The following SSMEM1 variants were observed in gnomAD, a reference collection of about 807,000 sequenced individuals.
The protein encoded by SSMEM1 is serine rich single-pass membrane protein 1.
A neutral mutation model predicts 9.9 loss-of-function variants in SSMEM1; 12 were observed. That is an observed-to-expected ratio of 1.21 (90% CI 0.78 to 1.96). The LOEUF (loss-of-function observed/expected upper bound fraction) is 1.96. Ranked by LOEUF, SSMEM1 falls within the 30% of genes most tolerant of loss-of-function variation. The probability of loss-of-function intolerance (pLI) is 0.00; values close to 1 mark genes in which losing one functional copy is unlikely to be tolerated. For missense variants in SSMEM1, 259 were observed against 292.2 expected (o/e 0.89, Z 0.83); for synonymous variants, 96 against 98.9 (o/e 0.97, Z 0.17).
chr7:130,208,298 ATAACCACTGT>A (rs1286112260), intron 1 of SSMEM1, among the ~76,000 whole-genome samples: 2 of 152,224 alleles, frequency 1.3e-5, no homozygotes, highest in African/African-American at 4.8e-5. Flanking sequence ...TTTCCCAGAG[ATAACCACTGT>A]TAACATTTTG....
intron 2 of SSMEM1, among the ~76,000 whole-genome samples, 183 bp downstream of exon 2, chr7:130,213,717 A>G (rs1262827456): frequency 6.6e-6 from 1 of 150,494 alleles, no homozygotes; most frequent in Non-Finnish European, 1.5e-5. Flanking sequence ...AAAAAAAAGA[A>G]AAGAAAAGAA....
chr7:130,206,888 A>C (rs2117051098), upstream of SSMEM1: 1 of 203,610 alleles, frequency 4.9e-6, no homozygotes, highest in African/African-American at 2.4e-5. Context: ...CTGGAGGCTG[A>C]GGCAGGAGAA....
chr7:130,206,108 T>C (rs1237629975), upstream of SSMEM1, among the ~76,000 whole-genome samples: 1 of 152,250 alleles, frequency 6.6e-6, no homozygotes, highest in East Asian at 1.9e-4. Flanking sequence ...TTTTCGTATG[T>C]ATTTTTTGGA....
At position 130,215,559 on chromosome 7, in the gene SSMEM1, A is replaced by T. The variant is rs182605519; in HGVS notation, c.239-415A>T. On this transcript the variant is annotated intron_variant, in intron 2 of 2. Coordinates refer to ENST00000297819, the MANE Select transcript of SSMEM1 (RefSeq NM_145268.4). ...TTATCAGCTCTTCTGAGCAGGTACA[A>T]GCCAACTTCCTCACACCACTACGTA... Among the ~76,000 whole-genome samples, 148 of 152,350 alleles carry T rather than the reference A, an allele frequency of 9.7e-4. 2 individuals are homozygous for T. Among genetic ancestry groups the T allele is most frequent in the Middle Eastern group, 6.8e-3 (2 of 294 alleles).
At chr7:130,214,767 G>A (rs1798671046) in intron 2 of SSMEM1, among the ~76,000 whole-genome samples, 3 of 152,062 alleles carry the variant, frequency 2.0e-5, no homozygotes, top group Admixed American at 2.0e-4. Context: ...CATTTTGCAG[G>A]GTTAGTCACA....
At chr7:130,213,906 T>C (rs937534981) in intron 2 of SSMEM1, among the ~76,000 whole-genome samples, 1 of 152,154 alleles carries the variant, frequency 6.6e-6, no homozygotes, top group Non-Finnish European at 1.5e-5. Context: ...GTTTAGCTGC[T>C]TAGCAAGAAG....
At chr7:130,214,438 AAAAT>A (rs1306927878) in intron 2 of SSMEM1, among the ~76,000 whole-genome samples, 2 of 152,068 alleles carry the variant, frequency 1.3e-5, no homozygotes, top group Non-Finnish European at 2.9e-5. Flanking sequence ...TAAATAAATA[AAAAT>A]AAATAAATAT....
chr7:130,215,952 G>C, intron 2 of SSMEM1, 22 bp from the exon 3 acceptor site: 1 of 1,609,892 alleles, frequency 6.2e-7, no homozygotes, highest in Non-Finnish European at 8.5e-7. Flanking sequence ...TTACTAACTT[G>C]ATATGTTTCA....
intron 2 of SSMEM1, among the ~76,000 whole-genome samples, chr7:130,214,427 AT>A (rs1266458591): frequency 6.6e-6 from 1 of 152,088 alleles, no homozygotes; most frequent in Non-Finnish European, 1.5e-5. Context: ...AATTTAATAA[AT>A]AAATAAATAA....
chr7:130,213,429 T>C, intron 1 of SSMEM1, 51 bp from the exon 2 acceptor site: 1 of 1,504,340 alleles, frequency 6.6e-7, no homozygotes, highest in Non-Finnish European at 9.2e-7. Context: ...CAAGTACATA[T>C]TATCAAAAAA....
chr7:130,215,048 A>C (rs1798677091), intron 2 of SSMEM1, among the ~76,000 whole-genome samples: 1 of 152,222 alleles, frequency 6.6e-6, no homozygotes, highest in Admixed American at 6.5e-5. Context: ...CACGCCTGTA[A>C]TCTCAGCACT....
chr7:130,215,309 CAAAA>C (rs560790021), intron 2 of SSMEM1, among the ~76,000 whole-genome samples: 2 of 148,942 alleles, frequency 1.3e-5, no homozygotes, highest in South Asian at 4.3e-4. Context: ...ATCTCAAAAA[CAAAA>C]AAAAACAAAA....
chr7:130,212,839 C>T (rs1363986331), intron 1 of SSMEM1, among the ~76,000 whole-genome samples: 1 of 152,038 alleles, frequency 6.6e-6, no homozygotes, highest in Non-Finnish European at 1.5e-5. Flanking sequence ...TAAATGGGTA[C>T]AGGAAAGCTT....
intron 1 of SSMEM1, among the ~76,000 whole-genome samples, chr7:130,211,332 T>TG (rs1185178575): frequency 6.6e-6 from 1 of 152,048 alleles, no homozygotes; most frequent in Non-Finnish European, 1.5e-5. Flanking sequence ...TAATTTTTTT[T>TG]GTATTTTAAG....
At chr7:130,205,505 A>C, upstream of SSMEM1, 1 of 1,473,766 alleles carries the variant, frequency 6.8e-7, no homozygotes, top group East Asian at 2.3e-5. Context: ...TCTCGCGAGA[A>C]AGGGAGGGGT....
At chr7:130,210,020 A>AT (rs1798563720) in intron 1 of SSMEM1, among the ~76,000 whole-genome samples, 1 of 152,024 alleles carries the variant, frequency 6.6e-6, no homozygotes, top group African/African-American at 2.4e-5. Flanking sequence ...TCCCCCACTC[A>AT]TTTTTTTATT....
At chr7:130,207,755 A>T, upstream of SSMEM1, 1 of 788,868 alleles carries the variant, frequency 1.3e-6, no homozygotes, top group Non-Finnish European at 2.2e-6. Flanking sequence ...CAAACTTAGA[A>T]GTCCAAGAAG....
intron 1 of SSMEM1, among the ~76,000 whole-genome samples, chr7:130,213,247 C>A (rs918569778): frequency 1.3e-5 from 2 of 151,956 alleles, no homozygotes; most frequent in Non-Finnish European, 2.9e-5. Context: ...ACTTGGGAGG[C>A]CGAGGCAGGA....
intron 1 of SSMEM1, among the ~76,000 whole-genome samples, chr7:130,210,070 C>T (rs111736608): frequency 2.0e-5 from 3 of 152,178 alleles, no homozygotes; most frequent in Non-Finnish European, 4.4e-5. Context: ...TCCAATGTCA[C>T]AAAAGTGTTA....
Sources: allele counts gnomAD v4.1 joint callset (sites outside exome capture counted in the v4.1 genomes callset), GRCh38; gene constraint gnomAD v4.1.1; transcripts MANE v1.5; gene names NCBI Gene and HGNC (gene_info 2026-07-23, HGNC 2026-07-21).